The following JAKMIP1 variants were observed in gnomAD, a reference collection of about 807,000 sequenced individuals.
JAKMIP1 encodes the protein janus kinase and microtubule-interacting protein 1.
Under a neutral mutation model 113.0 loss-of-function variants are expected in JAKMIP1, and 33 were observed. That is an observed-to-expected ratio of 0.29 (90% CI 0.22 to 0.39). JAKMIP1 has a LOEUF of 0.39. Ranked by LOEUF, JAKMIP1 falls within the 10% of genes least tolerant of loss-of-function variation. The pLI is 1.00. For synonymous variants in JAKMIP1, 480 were observed against 459.9 expected (o/e 1.04, Z -0.56); for missense variants, 813 against 1,080.5 (o/e 0.75, Z 3.47).
rs1037969149 is a variant in JAKMIP1 at position 6,162,580 on chromosome 4, T to C, written c.-148+37673A>G. Among the ~76,000 whole-genome samples, 4 of 152,230 alleles carry C rather than the reference T, an allele frequency of 2.6e-5. No individual in the cohort carries two copies. Among genetic ancestry groups the C allele is most frequent in the South Asian group, 4.1e-4 (2 of 4,830 alleles). ...CAGGTTAACTTGCACAAGGCAGTCA[T>C]GTCAACAGGGCAAAGGCACCATCTC... On this transcript the variant is annotated intron_variant, in intron 1 of 20. Coordinates refer to ENST00000409021, the MANE Select transcript of JAKMIP1 (RefSeq NM_001099433.2). The surrounding 1 kb of genome is among the most constrained non-coding windows in gnomAD (Gnocchi z 5.6).
chr4:6,052,650 T>TAAAAAA (rs762425260), intron 13 of JAKMIP1, among the ~76,000 whole-genome samples: 1 of 53,988 alleles, frequency 1.9e-5, no homozygotes, highest in Non-Finnish European at 3.4e-5. Flanking sequence ...GACTCTGTCC[T>TAAAAAA]AAAAAAAAAA....
rs1482428409 is a variant in JAKMIP1 at position 6,139,739 on chromosome 4, CT to C, written c.-147-26743del. Among the ~76,000 whole-genome samples, 1 of 151,098 alleles carries C rather than the reference CT, an allele frequency of 6.6e-6. No individual in the cohort carries two copies. Among genetic ancestry groups the C allele is most frequent in the African/African-American group, 2.5e-5 (1 of 40,640 alleles). ...CAAGACCATGCCACTGTGCTCCAGCCTGGGTGACAGAGTGAGACTCCATCTC... is the reference window on the plus strand; with the variant it reads ...CAAGACCATGCCACTGTGCTCCAGCCGGGTGACAGAGTGAGACTCCATCTC... On this transcript the variant is annotated intron_variant, in intron 1 of 20. Transcript: ENST00000409021. This position sits in a 1 kb window ranked among gnomAD's most constrained non-coding sequence, Gnocchi z 5.2.
chr4:6,112,586 C>G, intron 2 of JAKMIP1, 136 bp downstream of exon 2: 1 of 1,052,916 alleles, frequency 9.5e-7, no homozygotes, highest in Non-Finnish European at 1.4e-6. Context: ...AAGGGACAGA[C>G]AGCAGGGCAG....
Position 6,180,088 on chromosome 4 carries a change from A to G in JAKMIP1, c.-148+20165T>C, listed in dbSNP as rs1328768716. ...ACAAGCCATGACCCTCTTAGAACAA[A>G]GCATATTGACAGAAAATTAAGTGCC... On this transcript the variant is annotated intron_variant, in intron 1 of 20. Transcript: ENST00000409021. This position sits in a 1 kb window ranked among gnomAD's most constrained non-coding sequence, Gnocchi z 4.5. 6.6e-6 allele frequency among the ~76,000 whole-genome samples: 1 copy of G among 152,216 alleles called. No homozygotes were observed. The highest frequency in any genetic ancestry group is 1.5e-5 in the Non-Finnish European group (1 of 68,044).
rs962156470 is a variant in JAKMIP1 at position 6,140,333 on chromosome 4, C to T, written c.-147-27336G>A. On this transcript the variant is annotated intron_variant, in intron 1 of 20. Transcript: ENST00000409021. The surrounding 1 kb of genome is among the most constrained non-coding windows in gnomAD (Gnocchi z 9.4). ...CTTCCCACATAAATCATAATGCACA[C>T]CTGATGATGGGCCGACCATAAATCC... Among the ~76,000 whole-genome samples, 3 of 151,334 alleles carry T rather than the reference C, an allele frequency of 2.0e-5. No individual in the cohort carries two copies. Among genetic ancestry groups the T allele is most frequent in the Non-Finnish European group, 4.4e-5 (3 of 67,940 alleles).
intron 16 of JAKMIP1, among the ~76,000 whole-genome samples, chr4:6,043,685 A>ACCCCCCCTTCCCCCTTCCAC (rs1714635906): frequency 7.1e-6 from 1 of 140,480 alleles, no homozygotes; most frequent in Non-Finnish European, 1.5e-5. Context: ...CCCATCACCA[A>ACCCCCCCTTCCCCCTTCCAC]CCCCCCATTC....
At position 6,048,861 on chromosome 4, in the gene JAKMIP1, T is replaced by C. The variant is rs1461879444; in HGVS notation, c.2024A>G (p.Glu675Gly). 1.2e-6 allele frequency: 2 copies of C among 1,613,668 alleles called. No homozygotes were observed. The highest frequency in any genetic ancestry group is 1.7e-6 in the Non-Finnish European group (2 of 1,179,638). Reference protein sequence around the residue: ...IQAGTVLALCEKWLKQIEGTE... With the variant: ...IQAGTVLALCGKWLKQIEGTE... The stretch of plus-strand genomic sequence containing the variant: ...AGAAATGCCGCTGGCTTCTACCTTT[T>C]CACACAGGGCAAGCACAGTTCCAGC... The change falls in exon 16 of 21, where the codon GAA becomes GGA. Residue 675 changes from glutamate (E) to glycine (G), a missense_variant. Glu to Gly is a moderately conservative substitution (Grantham distance 98). Coordinates refer to ENST00000409021, the MANE Select transcript of JAKMIP1 (RefSeq NM_001099433.2).
intron 13 of JAKMIP1, among the ~76,000 whole-genome samples, chr4:6,053,393 C>A (rs910157108): frequency 2.0e-5 from 3 of 152,196 alleles, no homozygotes; most frequent in Non-Finnish European, 4.4e-5. Flanking sequence ...TTTCTTTAGT[C>A]CAATATTGCT....
chr4:6,062,386 G>C lies in JAKMIP1; in HGVS notation c.1486C>G (p.Gln496Glu), dbSNP rs972679139. ...LRFCQLTREY[Q>E]ALQRAYALLQ... ...AGGGCGTAGGCGCGTTGCAGGGCCT[G>C]GTACTCCCGGGTCAGCTGGCAGAAG... is the stretch of plus-strand genomic sequence containing the variant. Residue 496 changes from glutamine to glutamate, a missense_variant, in exon 10 of 21, where the codon CAG (glutamine) becomes GAG (glutamate). This residue lies in a region of JAKMIP1 where 273 missense variants were observed against 426.6 expected (regional missense o/e 0.64). Transcript: ENST00000409021. The C allele has an allele frequency of 3.1e-6, 5 of 1,613,818 alleles. No homozygotes were observed. The highest frequency in any genetic ancestry group is 4.2e-6 in the Non-Finnish European group (5 of 1,179,976).
At chr4:6,055,783 T>C (rs1462341970) in intron 12 of JAKMIP1, among the ~76,000 whole-genome samples, 25 of 109,036 alleles carry the variant, frequency 2.3e-4, no homozygotes, top group East Asian at 5.7e-4. Context: ...ACAGGGCAGC[T>C]CTCCCAATTT....
rs1722547779 is a variant in JAKMIP1, at chr4:6,158,642, T to C, written c.-148+41611A>G. ...CCCCACCCCCACCAGCCCCAGCTAG[T>C]AGTCATCATTTCCACAAAGGAAGTC... On this transcript the variant is annotated intron_variant, in intron 1 of 20. Coordinates refer to ENST00000409021, the MANE Select transcript of JAKMIP1 (RefSeq NM_001099433.2). This position sits in a 1 kb window ranked among gnomAD's most constrained non-coding sequence, Gnocchi z 5.3. Among the ~76,000 whole-genome samples, 1 of 150,240 alleles carries C rather than the reference T, an allele frequency of 6.7e-6. No homozygotes were observed. The highest frequency in any genetic ancestry group is 2.5e-5 in the African/African-American group (1 of 40,590).
At chr4:6,055,327 T>C (rs954806341) in intron 12 of JAKMIP1, among the ~76,000 whole-genome samples, 7 of 152,156 alleles carry the variant, frequency 4.6e-5, no homozygotes, top group African/African-American at 1.7e-4. Context: ...GCGGTGATGG[T>C]TGTGCAACAC....
chr4:6,043,665 G>A (rs536800353), intron 16 of JAKMIP1, among the ~76,000 whole-genome samples: 10 of 151,220 alleles, frequency 6.6e-5, no homozygotes, highest in East Asian at 3.9e-4. Context: ...CCCACCCGCA[G>A]CACTCCCTCC....
intron 12 of JAKMIP1, chr4:6,054,896 C>T: frequency 2.2e-6 from 1 of 455,886 alleles, no homozygotes; most frequent in South Asian, 1.5e-5. Context: ...GTGATCCCAC[C>T]CCCGGGAGAC....
chr4:6,029,070 C>T (rs1712240137), intron 20 of JAKMIP1, among the ~76,000 whole-genome samples: 1 of 152,172 alleles, frequency 6.6e-6, no homozygotes, highest in Non-Finnish European at 1.5e-5. Context: ...ATGTGTCTGC[C>T]TGGACCAATG....
rs541931782 is a variant in JAKMIP1, at chr4:6,064,598, T to G, written c.1431+282A>C. Among the ~76,000 whole-genome samples, 26 of 152,228 alleles carry G rather than the reference T, an allele frequency of 1.7e-4. No individual in the cohort carries two copies. The highest frequency in any genetic ancestry group is 6.3e-4 in the African/African-American group (26 of 41,554). Reference sequence around the variant, plus strand: ...ACCCAAGGCAACATCCCTCAATGACTCAGCTTGAACTTGGCAGCCACAGAT... The same window carrying G: ...ACCCAAGGCAACATCCCTCAATGACGCAGCTTGAACTTGGCAGCCACAGAT... On this transcript the variant is annotated intron_variant, in intron 9 of 20. Transcript: ENST00000409021. The surrounding 1 kb of genome is among the most constrained non-coding windows in gnomAD (Gnocchi z 4.3).
rs111339792 is a variant in JAKMIP1, at chr4:6,079,816, C to A, written c.1242+356G>T. ...AGCTAAAAACCAACCAACCAACCAA[C>A]CAAACAAACAAAAAGCCTTCTCTGG... is the stretch of plus-strand genomic sequence containing the variant. On this transcript the variant is annotated intron_variant, in intron 7 of 20. Transcript: ENST00000409021. 5.8e-3 allele frequency among the ~76,000 whole-genome samples: 886 copies of A among 152,202 alleles called. 12 individuals are homozygous for A. Among genetic ancestry groups the A allele is most frequent in the African/African-American group, 0.017 (709 of 41,528 alleles).
chr4:6,071,969 T>C (rs377330478), intron 8 of JAKMIP1, among the ~76,000 whole-genome samples: 47 of 152,308 alleles, frequency 3.1e-4, no homozygotes, highest in African/African-American at 1.0e-3. Context: ...CCCAGTTCAC[T>C]CCACCAAAAA....
chr4:6,126,058 C>T (rs999083822), intron 1 of JAKMIP1, among the ~76,000 whole-genome samples: 22 of 141,190 alleles, frequency 1.6e-4, no homozygotes, highest in South Asian at 7.2e-4. Flanking sequence ...AAACACGCAC[C>T]GTGCAGAAAC....
Sources: gnomAD v4.1 joint callset for allele counts (sites outside exome capture counted in the v4.1 genomes callset) on GRCh38, gnomAD v4.1.1 for gene constraint, gnomAD v4.1.1 regional missense constraint, Gnocchi (gnomAD v3.1) non-coding constraint, MANE v1.5 for transcripts, NCBI Gene and HGNC (gene_info 2026-07-23, HGNC 2026-07-21) for gene names.